Variants in GLIS3 observed in about 807,000 individuals in gnomAD.
The protein encoded by GLIS3 is zinc finger protein GLIS3.
In GLIS3, 53 loss-of-function variants were observed where a neutral mutation model predicts 78.6. The observed-to-expected ratio is 0.67, with a 90% CI of 0.54 to 0.85. The LOEUF (loss-of-function observed/expected upper bound fraction) is 0.85. Among genes scored for constraint, GLIS3 ranks in the 40% least tolerant of loss-of-function variants. The pLI, the probability that GLIS3 is intolerant of heterozygous loss-of-function variation, is 0.00. For missense variants in GLIS3, 1,703 were observed against 1,231.1 expected (o/e 1.38, Z -5.74); for synonymous variants, 684 against 509.9 (o/e 1.34, Z -4.60).
intron 7 of GLIS3, 64 bp from the exon 8 acceptor site, chr9:3,879,659 C>T (rs934457529): frequency 1.1e-4 from 175 of 1,552,738 alleles, no homozygotes; most frequent in Admixed American, 1.6e-4. Context: ...TTTTAAATAC[C>T]GAAGCCTGAC....
rs183976269 is a variant in GLIS3 at position 4,280,686 on chromosome 9, G to A, written c.388+5352C>T. ...AGGGCACCTGGGAAAGCTGTTTGAA[G>A]AGGAACAGATCTGGGAGGAGTTGTT... On this transcript the variant is annotated intron_variant, in intron 2 of 10. Coordinates refer to ENST00000381971, the MANE Select transcript of GLIS3 (RefSeq NM_001042413.2). 1.8e-4 allele frequency among the ~76,000 whole-genome samples: 28 copies of A among 152,264 alleles called. No homozygotes were observed. In the East Asian group the frequency reaches 5.0e-3, roughly 27 times the overall value.
chr9:4,201,220 C>T (rs1212551890), intron 2 of GLIS3, among the ~76,000 whole-genome samples: 1 of 152,110 alleles, frequency 6.6e-6, no homozygotes, highest in Admixed American at 6.6e-5. Context: ...AACTCACAGC[C>T]AATATCATAC....
intron 9 of GLIS3, chr9:3,855,437 A>T (rs1819712711): frequency 6.2e-6 from 1 of 161,458 alleles, no homozygotes; most frequent in African/African-American, 2.4e-5. Context: ...TCTGCACATT[A>T]ATAGTGAAAG....
chr9:3,942,426 G>A (rs1472069261), intron 4 of GLIS3, among the ~76,000 whole-genome samples: 3 of 152,122 alleles, frequency 2.0e-5, no homozygotes, highest in Non-Finnish European at 2.9e-5. Context: ...AGGCATGGGC[G>A]GGAGGATCAG....
At chr9:4,272,929 T>C (rs773350634) in intron 2 of GLIS3, among the ~76,000 whole-genome samples, 35 of 152,370 alleles carry the variant, frequency 2.3e-4, no homozygotes, top group Middle Eastern at 3.4e-3. Flanking sequence ...ACAAATTATA[T>C]GATCACCCTA....
intron 2 of GLIS3, among the ~76,000 whole-genome samples, chr9:4,272,330 G>A (rs1331262918): frequency 6.6e-6 from 1 of 152,110 alleles, no homozygotes; most frequent in Non-Finnish European, 1.5e-5. Flanking sequence ...AATTCTGGTA[G>A]ACATAATGTA....
intron 4 of GLIS3, among the ~76,000 whole-genome samples, chr9:4,008,790 TGAAA>T (rs778814368): frequency 3.2e-4 from 48 of 152,304 alleles, no homozygotes; most frequent in Admixed American, 9.2e-4. Flanking sequence ...CATTTAGAGT[TGAAA>T]GAAACTTTAG....
intron 2 of GLIS3, among the ~76,000 whole-genome samples, chr9:4,163,951 C>T (rs1242726100): frequency 1.3e-5 from 2 of 152,224 alleles, no homozygotes; most frequent in African/African-American, 2.4e-5. Context: ...GCTATAAGCC[C>T]TCATTCATGG....
At chr9:4,044,584 C>G (rs1825095810) in intron 4 of GLIS3, among the ~76,000 whole-genome samples, 1 of 152,056 alleles carries the variant, frequency 6.6e-6, no homozygotes, top group African/African-American at 2.4e-5. Flanking sequence ...TGCTGGCCAG[C>G]ACATGGAGTG....
At chr9:3,917,942 T>C (rs533855338) in intron 6 of GLIS3, among the ~76,000 whole-genome samples, 41 of 152,300 alleles carry the variant, frequency 2.7e-4, no homozygotes, top group African/African-American at 8.2e-4. Flanking sequence ...AATGATTGTA[T>C]TGGCGGCAAT....
At chr9:4,395,182 A>T in the GLIS3 span, among the ~76,000 whole-genome samples, 3 of 152,192 alleles carry the variant, frequency 2.0e-5, no homozygotes, top group East Asian at 5.8e-4. Context: ...CATGAATTTA[A>T]GTCTTAGTAA....
At chr9:4,146,488 A>C (rs1001858099) in intron 2 of GLIS3, among the ~76,000 whole-genome samples, 1 of 152,124 alleles carries the variant, frequency 6.6e-6, no homozygotes, top group Non-Finnish European at 1.5e-5. Flanking sequence ...TTTACCCTCA[A>C]TTTAGGGTTA....
rs530507550 is a variant in GLIS3, at chr9:4,186,430, G to C, written c.389-60489C>G. Among the ~76,000 whole-genome samples the C allele has an allele frequency of 2.1e-3, 320 of 152,018 alleles. 2 individuals carry two copies. The highest frequency in any genetic ancestry group is 3.6e-3 in the Non-Finnish European group (246 of 67,976). On this transcript the variant is annotated intron_variant, in intron 2 of 10. Coordinates refer to ENST00000381971, the MANE Select transcript of GLIS3 (RefSeq NM_001042413.2). ...ACATTTGGGTTGGTTGCAAGTCTTT[G>C]CTGTTGTGAATAGTGCCACAATAAA...
the GLIS3 span, among the ~76,000 whole-genome samples, chr9:4,425,181 T>G: frequency 6.6e-6 from 1 of 152,176 alleles, no homozygotes; most frequent in Non-Finnish European, 1.5e-5. Flanking sequence ...ATTGCCCAAC[T>G]CCAGATCTGA....
the GLIS3 span, among the ~76,000 whole-genome samples, chr9:4,413,580 G>C: frequency 6.6e-6 from 1 of 151,974 alleles, no homozygotes; most frequent in African/African-American, 2.4e-5. Flanking sequence ...TCATTAGCTT[G>C]CCAAACTCTT....
intron 4 of GLIS3, among the ~76,000 whole-genome samples, chr9:4,023,914 C>T (rs1823089460): frequency 1.3e-5 from 2 of 151,690 alleles, no homozygotes; most frequent in Non-Finnish European, 2.9e-5. Context: ...CCTCAATGCT[C>T]GTTAAACAGG....
intron 6 of GLIS3, among the ~76,000 whole-genome samples, chr9:3,911,661 A>G (rs545979810): frequency 3.3e-5 from 5 of 152,344 alleles, no homozygotes; most frequent in African/African-American, 1.2e-4. Context: ...CTGATGAAAT[A>G]TTAGACAACT....
the GLIS3 span, among the ~76,000 whole-genome samples, chr9:4,400,291 G>A: frequency 6.6e-6 from 1 of 152,220 alleles, no homozygotes; most frequent in Non-Finnish European, 1.5e-5. Flanking sequence ...AAATAATACG[G>A]ACAAGAAATG....
chr9:4,003,194 A>G (rs1406856438), intron 4 of GLIS3, among the ~76,000 whole-genome samples: 1 of 152,190 alleles, frequency 6.6e-6, no homozygotes, highest in Non-Finnish European at 1.5e-5. Flanking sequence ...AGCCTGGGCA[A>G]CATAGCAAGA....
Sources: allele counts gnomAD v4.1 joint callset (sites outside exome capture counted in the v4.1 genomes callset), GRCh38; gene constraint gnomAD v4.1.1; transcripts MANE v1.5; gene names NCBI Gene and HGNC (gene_info 2026-07-23, HGNC 2026-07-21).